Variants in AZIN2 observed in about 807,000 individuals in gnomAD.
AZIN2 encodes the protein ODC antizyme inhibitor-2.
AZIN2 carries 28 observed loss-of-function variants against 47.8 expected under a neutral mutation model. The ratio of observed to expected loss-of-function variants is 0.59; its 90% CI spans 0.43 to 0.80. The LOEUF (loss-of-function observed/expected upper bound fraction) is 0.80, where lower values mean the gene tolerates loss of function less well. AZIN2 is among the 30% of genes least tolerant of loss of function. The pLI is 0.00. For synonymous variants in AZIN2, 221 were observed against 239.4 expected (o/e 0.92, Z 0.71); for missense variants, 535 against 582.5 (o/e 0.92, Z 0.84).
At chr1:33,145,956 G>T in the AZIN2 span, 1 of 470,436 alleles carries the variant, frequency 2.1e-6, no homozygotes, top group Non-Finnish European at 4.4e-6. Context: ...TTAGATTTGG[G>T]AACTGAGTGA....
intron 8 of AZIN2, among the ~76,000 whole-genome samples, chr1:33,095,004 T>G (rs967154517): frequency 6.6e-6 from 1 of 152,164 alleles, no homozygotes; most frequent in Non-Finnish European, 1.5e-5. Flanking sequence ...GTAAGGCTCT[T>G]TAAGGGGCGG....
intron 10 of AZIN2, among the ~76,000 whole-genome samples, chr1:33,100,564 C>CGTGTGTGTGT (rs57021036): frequency 1.3e-5 from 2 of 148,224 alleles, no homozygotes; most frequent in African/African-American, 4.9e-5. Flanking sequence ...GATAGAAACA[C>CGTGTGTGTGT]GTGTGTGTGT....
chr1:33,133,910 G>A, the AZIN2 span, among the ~76,000 whole-genome samples: 10 of 152,248 alleles, frequency 6.6e-5, no homozygotes, highest in African/African-American at 1.9e-4. Context: ...AGGGAGAGAT[G>A]TGATCCTAAT....
intron 10 of AZIN2, among the ~76,000 whole-genome samples, chr1:33,107,945 A>G (rs140140357): frequency 6.6e-6 from 1 of 152,338 alleles, no homozygotes; most frequent in Admixed American, 6.5e-5. Context: ...CAAAATTCCA[A>G]TGATCTTTTC....
chr1:33,120,944 T>C lies in AZIN2; in HGVS notation c.*762T>C, dbSNP rs897198977. 3.3e-5 allele frequency among the ~76,000 whole-genome samples: 5 copies of C among 152,182 alleles called. No homozygotes were observed. The highest frequency in any genetic ancestry group is 5.9e-5 in the Non-Finnish European group (4 of 68,028). ...CCTGCACCCTTGCTCTCCCTGCAGGTTGGCAAGGCAGTCAGAGTAAAGCAG... is the reference window on the plus strand; with the variant it reads ...CCTGCACCCTTGCTCTCCCTGCAGGCTGGCAAGGCAGTCAGAGTAAAGCAG... On this transcript the variant is annotated 3_prime_UTR_variant, in exon 12 of 12. Transcript: ENST00000294517.
chr1:33,085,686 A>G (rs190477681), intron 5 of AZIN2, among the ~76,000 whole-genome samples: 1 of 152,252 alleles, frequency 6.6e-6, no homozygotes, highest in East Asian at 1.9e-4. Flanking sequence ...TGAGCAGGTT[A>G]ACCTGTAGCA....
chr1:33,087,441 A>G (rs1207436875), intron 5 of AZIN2, among the ~76,000 whole-genome samples: 4 of 136,060 alleles, frequency 2.9e-5, no homozygotes, highest in African/African-American at 1.1e-4. Context: ...CCATATATAT[A>G]TATATTTTTT....
At chr1:33,158,128 C>T in the AZIN2 span, 2 of 783,200 alleles carry the variant, frequency 2.6e-6, no homozygotes, top group South Asian at 3.2e-5. Flanking sequence ...CTGGAACACA[C>T]TAGGTGCTCA....
chr1:33,107,346 G>A (rs1316419003), intron 10 of AZIN2, among the ~76,000 whole-genome samples: 1 of 151,810 alleles, frequency 6.6e-6, no homozygotes, highest in Non-Finnish European at 1.5e-5. Context: ...TTGGGAGGCC[G>A]AGGCAGGCAG....
In AZIN2 at chr1:33,094,592, A is replaced by T. The variant is rs752685918; in HGVS notation, c.632A>T (p.Gln211Leu). 6.2e-7 allele frequency: 1 copy of T among 1,614,150 alleles called. No homozygotes were observed. The highest frequency in any genetic ancestry group is 1.1e-5 in the South Asian group (1 of 91,088). The change falls in exon 8 of 12, where the codon CAG becomes CTG. Residue 211 changes from glutamine (Q) to leucine (L), a missense_variant. Transcript: ENST00000294517. ...SGCPDPQAYAQSIADARLVFE... is the reference protein window; with the variant it reads ...SGCPDPQAYALSIADARLVFE... ...TGTCCTGACCCTCAGGCCTATGCTC[A>T]GTCCATCGCAGACGCCCGGCTCGTG...
intron 11 of AZIN2, 94 bp from the exon 12 acceptor site, chr1:33,119,950 G>A (rs991801871): frequency 5.2e-5 from 81 of 1,552,524 alleles, no homozygotes; most frequent in Middle Eastern, 1.7e-4. Context: ...TCGGGCTCAC[G>A]TGAGAGCCCT....
At chr1:33,110,125 ACT>A (rs754429534) in intron 10 of AZIN2, among the ~76,000 whole-genome samples, 4 of 152,166 alleles carry the variant, frequency 2.6e-5, no homozygotes, top group Non-Finnish European at 5.9e-5. Context: ...AGAAAACTTC[ACT>A]GTTTTGATCT....
At chr1:33,107,093 C>T (rs1311322195) in intron 10 of AZIN2, among the ~76,000 whole-genome samples, 4 of 151,462 alleles carry the variant, frequency 2.6e-5, no homozygotes, top group African/African-American at 9.7e-5. Flanking sequence ...TCAAGACCAC[C>T]CTGGCCAATG....
intron 3 of AZIN2, 34 bp from the exon 4 acceptor site, chr1:33,082,144 C>G (rs1230019756): frequency 4.2e-6 from 4 of 943,772 alleles, no homozygotes; most frequent in African/African-American, 1.6e-5. Flanking sequence ...AGCCGGCCCC[C>G]CAGCGGTTCC....
the AZIN2 span, among the ~76,000 whole-genome samples, chr1:33,144,136 T>TTC: frequency 1.1e-3 from 1 of 918 alleles, no homozygotes; most frequent in East Asian, 0.017. Context: ...ATGTTACTTC[T>TTC]TTTTTTTTTT....
chr1:33,107,309 G>T (rs1178740796), intron 10 of AZIN2, among the ~76,000 whole-genome samples: 1 of 151,702 alleles, frequency 6.6e-6, no homozygotes, highest in African/African-American at 2.4e-5. Flanking sequence ...GGCCGGCGCA[G>T]TGGCTCATGC....
At chr1:33,130,493 A>G in the AZIN2 span, among the ~76,000 whole-genome samples, 3 of 152,152 alleles carry the variant, frequency 2.0e-5, no homozygotes, top group African/African-American at 7.2e-5. Context: ...ACAGATGACT[A>G]ATCAACGGCT....
At chr1:33,092,997 G>A (rs918070835) in intron 6 of AZIN2, among the ~76,000 whole-genome samples, 3 of 152,228 alleles carry the variant, frequency 2.0e-5, no homozygotes, top group Non-Finnish European at 2.9e-5. Context: ...AAGTTTGAAA[G>A]CTCTAACTGG....
the AZIN2 span, chr1:33,165,183 C>G: frequency 6.3e-6 from 2 of 315,846 alleles, no homozygotes; most frequent in African/African-American, 4.3e-5. This position sits in a 1 kb window ranked among gnomAD's most constrained non-coding sequence, Gnocchi z 4.0. Context: ...TCCCGGGACC[C>G]GCCTCAACTT....
Sources: allele counts gnomAD v4.1 joint callset (sites outside exome capture counted in the v4.1 genomes callset), GRCh38; gene constraint gnomAD v4.1.1; non-coding constraint Gnocchi (gnomAD v3.1); transcripts MANE v1.5; gene names NCBI Gene and HGNC (gene_info 2026-07-23, HGNC 2026-07-21).